Variants in NRG2 observed in about 807,000 individuals in gnomAD.
The protein encoded by NRG2 is neuregulin 2, also known as pro-neuregulin-2, membrane-bound isoform.
A neutral mutation model predicts 73.9 loss-of-function variants in NRG2; 27 were observed. That is an observed-to-expected ratio of 0.37 (90% CI 0.27 to 0.50). The LOEUF is 0.50. Among genes scored for constraint, NRG2 ranks in the 20% least tolerant of loss-of-function variants. The pLI, the probability that NRG2 is intolerant of heterozygous loss-of-function variation, is 0.96. For synonymous variants in NRG2, 532 were observed against 541.0 expected, an observed-to-expected ratio of 0.98 and a Z score of 0.23; for missense variants, 1,126 against 1,210.1, an observed-to-expected ratio of 0.93 and a Z score of 1.03.
Position 139,907,349 on chromosome 5 carries a change from GT to G in NRG2, c.701-19839del, listed in dbSNP as rs576465755. Among the ~76,000 whole-genome samples the G allele has an allele frequency of 1.8e-3, 276 of 152,278 alleles. 1 individual carries two copies. Among genetic ancestry groups the G allele is most frequent in the African/African-American group, 6.4e-3 (266 of 41,546 alleles). On this transcript the variant is annotated intron_variant, in intron 1 of 9. Coordinates refer to ENST00000361474, the MANE Select transcript of NRG2 (RefSeq NM_004883.3). ...CCTCTGCTTCCTGAATTCTTTTGAT[GT>G]ATCCCTCTAAGAACACTTGACTGTT...
At chr5:139,882,669 C>CCAGATTAG (rs1037782364) in intron 2 of NRG2, among the ~76,000 whole-genome samples, 1 of 152,132 alleles carries the variant, frequency 6.6e-6, no homozygotes, top group African/African-American at 2.4e-5. Flanking sequence ...TGTGCACACA[C>CCAGATTAG]CAGATTAGCA....
At chr5:139,943,139 C>A (rs1253309732) in intron 1 of NRG2, among the ~76,000 whole-genome samples, 1 of 151,916 alleles carries the variant, frequency 6.6e-6, no homozygotes, top group Admixed American at 6.6e-5. Context: ...CCGTGTCTGG[C>A]CTCACTTTTT....
chr5:140,040,525 A>G (rs10051647), intron 1 of NRG2, among the ~76,000 whole-genome samples: 3,605 of 152,292 alleles, frequency 0.024, 126 homozygotes, highest in African/African-American at 0.078. Context: ...GAGGGAGACA[A>G]GGGAGCAGAG....
intron 1 of NRG2, among the ~76,000 whole-genome samples, chr5:139,948,339 C>T (rs1176648760): frequency 2.0e-5 from 3 of 152,230 alleles, no homozygotes; most frequent in African/African-American, 7.2e-5. Context: ...CACATACCAA[C>T]CTTTCTAGTG....
chr5:139,862,150 A>G lies in NRG2; in HGVS notation c.1189+3399T>C, dbSNP rs183482671. Among the ~76,000 whole-genome samples, 5 of 152,344 alleles carry G rather than the reference A, an allele frequency of 3.3e-5. No individual in the cohort carries two copies. The East Asian group carries it at 9.6e-4, about 29-fold the overall frequency. ...CCTGAGGACAATGACCAGCTGGAGAAGTGAGCAGGGCTCCCAAAGCCCTTT... is the reference window on the plus strand; with the variant it reads ...CCTGAGGACAATGACCAGCTGGAGAGGTGAGCAGGGCTCCCAAAGCCCTTT... On this transcript the variant is annotated intron_variant, in intron 5 of 9. Coordinates refer to ENST00000361474, the MANE Select transcript of NRG2 (RefSeq NM_004883.3).
chr5:139,914,329 G>A (rs1418134091), intron 1 of NRG2, among the ~76,000 whole-genome samples: 1 of 152,098 alleles, frequency 6.6e-6, no homozygotes, highest in Non-Finnish European at 1.5e-5. Context: ...AAACAGTGGT[G>A]CTCCAAACCC....
chr5:139,978,347 C>T (rs975389175), intron 1 of NRG2, among the ~76,000 whole-genome samples: 2 of 152,196 alleles, frequency 1.3e-5, no homozygotes, highest in African/African-American at 2.4e-5. Context: ...TGAAAAAATG[C>T]TCATAATCAC....
At position 139,856,072 on chromosome 5, in the gene NRG2, T is replaced by C. The variant is rs1413854022; in HGVS notation, c.1190-294A>G. 2.4e-6 allele frequency: 1 copy of C among 418,686 alleles called. No homozygotes were observed. Among genetic ancestry groups the C allele is most frequent in the African/African-American group, 2.0e-5 (1 of 50,622 alleles). The allele number at this position is 418,686 out of a possible 1,614,324, so 25.9% of individuals were successfully genotyped here. ...CACATGAGTGGAAAATGCAGGGGAA[T>C]GGGAAGGGATGGAGTGGAGGCAAAG... On this transcript the variant is annotated intron_variant, in intron 5 of 9. Coordinates refer to ENST00000361474, the MANE Select transcript of NRG2 (RefSeq NM_004883.3). This position sits in a 1 kb window ranked among gnomAD's most constrained non-coding sequence, Gnocchi z 4.2.
At chr5:139,855,623 G>T in intron 6 of NRG2, 53 bp downstream of exon 6, 1 of 1,424,642 alleles carries the variant, frequency 7.0e-7, no homozygotes. Context: ...ACACATTCTT[G>T]GAGGCCCATC....
At chr5:140,023,258 A>G (rs955021714) in intron 1 of NRG2, among the ~76,000 whole-genome samples, 1 of 151,730 alleles carries the variant, frequency 6.6e-6, no homozygotes, top group African/African-American at 2.4e-5. Context: ...TCCTAATCTT[A>G]TCTCCCCTAT....
At chr5:139,914,690 A>T (rs1172416857) in intron 1 of NRG2, among the ~76,000 whole-genome samples, 1 of 152,236 alleles carries the variant, frequency 6.6e-6, no homozygotes, top group Non-Finnish European at 1.5e-5. Context: ...GCCCAGAGGT[A>T]TGAGCTGCAT....
At chr5:140,004,269 A>C (rs1043090441) in intron 1 of NRG2, among the ~76,000 whole-genome samples, 6 of 152,236 alleles carry the variant, frequency 3.9e-5, no homozygotes, top group African/African-American at 1.2e-4. Flanking sequence ...TCTACAATTA[A>C]TCAATGTAGA....
At chr5:139,854,054 C>T (rs1761655309) in intron 6 of NRG2, among the ~76,000 whole-genome samples, 1 of 152,014 alleles carries the variant, frequency 6.6e-6, no homozygotes, top group African/African-American at 2.4e-5. Flanking sequence ...TCTCATGTAC[C>T]CCATAAATAT....
At chr5:139,906,282 A>T (rs1483391854) in intron 1 of NRG2, among the ~76,000 whole-genome samples, 3 of 152,148 alleles carry the variant, frequency 2.0e-5, no homozygotes, top group East Asian at 1.9e-4. Flanking sequence ...TTGGGATTAC[A>T]GGTGTGAGCC....
chr5:139,955,269 C>T (rs573025614), intron 1 of NRG2, among the ~76,000 whole-genome samples: 33 of 152,080 alleles, frequency 2.2e-4, no homozygotes, highest in African/African-American at 6.5e-4. Context: ...GAGGAGGTGA[C>T]GGACAAGTGG....
intron 1 of NRG2, among the ~76,000 whole-genome samples, chr5:139,988,502 C>G (rs965799340): frequency 1.3e-5 from 2 of 151,850 alleles, no homozygotes; most frequent in East Asian, 3.9e-4. Context: ...TCTGGAGGAA[C>G]CTTAAATCCA....
At chr5:139,863,083 A>T (rs1401503178) in intron 5 of NRG2, among the ~76,000 whole-genome samples, 1 of 152,216 alleles carries the variant, frequency 6.6e-6, no homozygotes, top group African/African-American at 2.4e-5. Flanking sequence ...TCACAATGGC[A>T]GGCTCTCTGC....
At chr5:139,873,152 G>A (rs1007592870) in intron 3 of NRG2, among the ~76,000 whole-genome samples, 1 of 152,192 alleles carries the variant, frequency 6.6e-6, no homozygotes, top group Non-Finnish European at 1.5e-5. Context: ...GTATATGTCT[G>A]AGGAGCATGC....
intron 5 of NRG2, among the ~76,000 whole-genome samples, chr5:139,863,615 G>A (rs964133895): frequency 5.9e-5 from 9 of 152,332 alleles, no homozygotes; most frequent in African/African-American, 9.6e-5. Context: ...GCTCTCTGCC[G>A]AGAGGAATAT....
Sources: allele counts gnomAD v4.1 joint callset (sites outside exome capture counted in the v4.1 genomes callset), GRCh38; gene constraint gnomAD v4.1.1; non-coding constraint Gnocchi (gnomAD v3.1); transcripts MANE v1.5; gene names NCBI Gene and HGNC (gene_info 2026-07-23, HGNC 2026-07-21).